BRD10: variants seen among roughly 807,000 people sequenced by gnomAD.
The protein encoded by BRD10 is uncharacterized bromodomain-containing protein 10.
At chr9:5,951,066 ACACACACACACC>A in the BRD10 span, among the ~76,000 whole-genome samples, 278 of 147,578 alleles carry the variant, frequency 1.9e-3, 1 homozygote, top group Admixed American at 7.1e-3. Context: ...ACACACACAC[ACACACACACACC>A]CCCACCCCAC....
At chr9:6,003,100 C>T in the BRD10 span, among the ~76,000 whole-genome samples, 13 of 152,082 alleles carry the variant, frequency 8.5e-5, no homozygotes, top group Admixed American at 8.5e-4. Flanking sequence ...CATACATGTA[C>T]CATTTTTTAA....
the BRD10 span, among the ~76,000 whole-genome samples, chr9:5,995,673 T>C: frequency 6.6e-6 from 1 of 152,316 alleles, no homozygotes; most frequent in Middle Eastern, 3.4e-3. Context: ...TTAGTCAACC[T>C]TTCTATACCC....
At chr9:5,897,166 T>A in the BRD10 span, among the ~76,000 whole-genome samples, 3 of 152,248 alleles carry the variant, frequency 2.0e-5, no homozygotes, top group African/African-American at 7.2e-5. Context: ...TCAGTGTTAA[T>A]TTCTATTTTC....
At chr9:5,961,324 T>C in the BRD10 span, among the ~76,000 whole-genome samples, 4 of 152,158 alleles carry the variant, frequency 2.6e-5, no homozygotes, top group Admixed American at 6.5e-5. Flanking sequence ...CTTAAGCAAG[T>C]GATAAAAGAA....
At chr9:5,919,994 AC>A in the BRD10 span, 5 of 1,613,994 alleles carry the variant, frequency 3.1e-6, no homozygotes. Context: ...AGTCAGTGAT[AC>A]TGTTGGTACA....
the BRD10 span, among the ~76,000 whole-genome samples, chr9:5,898,565 A>G: frequency 1.3e-5 from 2 of 152,250 alleles, no homozygotes; most frequent in Admixed American, 1.3e-4. Flanking sequence ...TACTCATAGC[A>G]GACTTGGGTA....
the BRD10 span, chr9:5,908,733 G>A: frequency 6.3e-7 from 1 of 1,596,178 alleles, no homozygotes; most frequent in Admixed American, 1.7e-5. Context: ...CCTGAGACAT[G>A]CTGAAATTAT....
chr9:5,945,043 C>T, the BRD10 span: 4 of 535,090 alleles, frequency 7.5e-6, no homozygotes, highest in Non-Finnish European at 9.7e-6. Context: ...TTTTAACACA[C>T]ACTGAATTCA....
the BRD10 span, among the ~76,000 whole-genome samples, chr9:5,985,337 G>A: frequency 2.6e-5 from 4 of 152,028 alleles, no homozygotes; most frequent in African/African-American, 9.6e-5. Flanking sequence ...GGTACGCTAA[G>A]ATTCCTTAGG....
At chr9:5,888,388 T>C in the BRD10 span, among the ~76,000 whole-genome samples, 13 of 152,242 alleles carry the variant, frequency 8.5e-5, no homozygotes, top group African/African-American at 3.1e-4. Flanking sequence ...GGTTATGTTA[T>C]ACATCATTTT....
the BRD10 span, among the ~76,000 whole-genome samples, chr9:5,936,262 G>A: frequency 1.3e-5 from 2 of 152,120 alleles, no homozygotes; most frequent in African/African-American, 4.8e-5. Flanking sequence ...AGGCTGAGGT[G>A]GGAGGACTGC....
chr9:5,955,431 T>A, the BRD10 span, among the ~76,000 whole-genome samples: 88,218 of 152,006 alleles, frequency 0.58, 27,275 homozygotes, highest in Non-Finnish European at 0.72. Context: ...GTAACTTTGC[T>A]GTACATAATC....
the BRD10 span, among the ~76,000 whole-genome samples, chr9:5,902,534 A>T: frequency 6.6e-6 from 1 of 151,352 alleles, no homozygotes; most frequent in African/African-American, 2.4e-5. Context: ...GCACAATCAT[A>T]GCTCACTGTT....
At chr9:5,973,626 C>T in the BRD10 span, among the ~76,000 whole-genome samples, 1 of 152,042 alleles carries the variant, frequency 6.6e-6, no homozygotes, top group Admixed American at 6.6e-5. Context: ...TGGTGGCTCA[C>T]ACCTGTAATC....
At chr9:5,949,371 AAAC>A in the BRD10 span, among the ~76,000 whole-genome samples, 1,212 of 151,928 alleles carry the variant, frequency 8.0e-3, 9 homozygotes, top group South Asian at 9.5e-3. Flanking sequence ...ACAAACAAAC[AAAC>A]AACAACAACA....
chr9:6,000,855 A>C, the BRD10 span, among the ~76,000 whole-genome samples: 1 of 152,128 alleles, frequency 6.6e-6, no homozygotes. Context: ...CCTCACACAA[A>C]GTTCTGCCAT....
At chr9:5,967,538 A>G in the BRD10 span, among the ~76,000 whole-genome samples, 1 of 152,148 alleles carries the variant, frequency 6.6e-6, no homozygotes, top group African/African-American at 2.4e-5. Flanking sequence ...TACTGAAAAC[A>G]TAGTTCTGAA....
the BRD10 span, among the ~76,000 whole-genome samples, chr9:5,983,992 C>G: frequency 1.3e-5 from 2 of 151,406 alleles, no homozygotes; most frequent in Admixed American, 6.6e-5. Flanking sequence ...CACACACACA[C>G]ACACACACAC....
the BRD10 span, among the ~76,000 whole-genome samples, chr9:5,993,487 G>C: frequency 6.6e-6 from 1 of 152,120 alleles, no homozygotes; most frequent in Non-Finnish European, 1.5e-5. Flanking sequence ...CAAATGTGCA[G>C]GCAAGGTTGA....
Sources: gnomAD v4.1 joint callset for allele counts (sites outside exome capture counted in the v4.1 genomes callset) on GRCh38, gnomAD v4.1.1 for gene constraint, MANE v1.5 for transcripts, NCBI Gene and HGNC (gene_info 2026-07-23, HGNC 2026-07-21) for gene names.